Variants in CASZ1 observed in about 807,000 individuals in gnomAD.
CASZ1 encodes castor zinc finger 1, also known as zinc finger protein castor homolog 1.
In CASZ1, 28 loss-of-function variants were observed where a neutral mutation model predicts 135.2. That is an observed-to-expected ratio of 0.21 (90% CI 0.15 to 0.28). The LOEUF (loss-of-function observed/expected upper bound fraction) is 0.28. Among genes scored for constraint, CASZ1 ranks in the 10% least tolerant of loss-of-function variants. CASZ1 has a pLI of 1.00. For synonymous variants in CASZ1, 1,068 were observed against 1,073.4 expected, an observed-to-expected ratio of 0.99 and a Z score of 0.10; for missense variants, 2,161 against 2,453.3, an observed-to-expected ratio of 0.88 and a Z score of 2.52.
intron 3 of CASZ1, among the ~76,000 whole-genome samples, chr1:10,702,935 T>G (rs1639093699): frequency 6.8e-6 from 1 of 148,100 alleles, no homozygotes; most frequent in African/African-American, 2.5e-5. Flanking sequence ...GCCTTCCGAG[T>G]AGATGAAAAG....
In CASZ1 at chr1:10,660,129, G is replaced by C; in HGVS notation, c.913C>G (p.Leu305Val). ...TCGTACTTGGAGGCCCGGGCTACCAGGTTCTGCATCTGGACACTGCTGTGC... is the reference window on the plus strand; with the variant it reads ...TCGTACTTGGAGGCCCGGGCTACCACGTTCTGCATCTGGACACTGCTGTGC... ...PSHSSVQMQN[L>V]VARASKYDFF... is the part of the protein sequence containing the mutation. Residue 305 changes from leucine to valine, a missense_variant, in exon 6 of 21, where the codon CTG (leucine) becomes GTG (valine). Coordinates refer to ENST00000377022, the MANE Select transcript of CASZ1 (RefSeq NM_001079843.3). The C allele has an allele frequency of 1.9e-6, 3 of 1,614,156 alleles. No individual in the cohort carries two copies. Among genetic ancestry groups the C allele is most frequent in the Non-Finnish European group, 2.5e-6 (3 of 1,180,014 alleles).
chr1:10,683,654 T>C (rs938767359), intron 4 of CASZ1, among the ~76,000 whole-genome samples: 13 of 152,124 alleles, frequency 8.5e-5, no homozygotes, highest in African/African-American at 2.7e-4. Context: ...CGTCCAGTCC[T>C]TTCACTTCCA....
In CASZ1 at chr1:10,639,491, G is replaced by A; in HGVS notation, c.4731C>T (p.Gly1577=). The change falls in exon 21 of 21, where the codon GGC becomes GGT. Residue 1577 remains glycine (G), a synonymous_variant. Transcript: ENST00000377022. This position sits in a 1 kb window ranked among gnomAD's most constrained non-coding sequence, Gnocchi z 4.0. ...ACATGCCCACCACCGTGTGGCGGCA[G>A]CCCGGGAAGGTGCAGTGGAAGTGCG... ...KCSHFHCTFP[G]CRHTVVGMSQ... 1 of 1,610,864 alleles carries A rather than the reference G, an allele frequency of 6.2e-7. No individual in the cohort carries two copies. Among genetic ancestry groups the A allele is most frequent in the African/African-American group, 1.3e-5 (1 of 75,038 alleles).
At position 10,644,929 on chromosome 1, in the gene CASZ1, A is replaced by G. The variant is rs1193855161; in HGVS notation, c.3856T>C (p.Cys1286Arg). 1.2e-6 allele frequency: 2 copies of G among 1,612,742 alleles called. No homozygotes were observed. Among genetic ancestry groups the G allele is most frequent in the African/African-American group, 2.7e-5 (2 of 74,788 alleles). ...GFKYFTKREE[C>R]GRLGCKYNQV... Reference sequence around the variant, plus strand: ...CAGCCCTCGGTACCTAGCCTGCCACACTCCTCGCGCTTGGTGAAGTATTTG... The same window carrying G: ...CAGCCCTCGGTACCTAGCCTGCCACGCTCCTCGCGCTTGGTGAAGTATTTG... Residue 1286 changes from cysteine to arginine, a missense_variant, in exon 18 of 21, where the codon TGT (cysteine) becomes CGT (arginine). By Grantham distance (180) the Cys-to-Arg change is radical (BLOSUM62 -3). Coordinates refer to ENST00000377022, the MANE Select transcript of CASZ1 (RefSeq NM_001079843.3).
At chr1:10,758,786 G>C (rs1355632188) in intron 2 of CASZ1, among the ~76,000 whole-genome samples, 3 of 152,208 alleles carry the variant, frequency 2.0e-5, no homozygotes, top group African/African-American at 7.2e-5. Flanking sequence ...ACAGCTCTGA[G>C]ACCATGGGTC....
intron 2 of CASZ1, among the ~76,000 whole-genome samples, chr1:10,732,769 G>T (rs1639725152): frequency 6.6e-6 from 1 of 152,196 alleles, no homozygotes; most frequent in Non-Finnish European, 1.5e-5. Context: ...GGGGACGTGG[G>T]ATCCAGGTGA....
Position 10,725,129 on chromosome 1 carries a change from G to A in CASZ1, c.-76-19585C>T, listed in dbSNP as rs188798800. ...CTTGGGCTCCCCTCGGTGGGGGTAG[G>A]ATTCCCTAGTTGGCCAGGGAGCCCT... On this transcript the variant is annotated intron_variant, in intron 2 of 20. Transcript: ENST00000377022. The surrounding 1 kb of genome is among the most constrained non-coding windows in gnomAD (Gnocchi z 4.4). 2.8e-4 allele frequency among the ~76,000 whole-genome samples: 43 copies of A among 152,260 alleles called. No homozygotes were observed. Among genetic ancestry groups the A allele is most frequent in the Middle Eastern group, 3.4e-3 (1 of 292 alleles).
At chr1:10,688,620 C>G (rs1355709969) in intron 4 of CASZ1, among the ~76,000 whole-genome samples, 1 of 152,188 alleles carries the variant, frequency 6.6e-6, no homozygotes, top group Non-Finnish European at 1.5e-5. Flanking sequence ...ACACAGGGGC[C>G]CGGGCAGTCC....
In CASZ1 at chr1:10,747,773, A is replaced by C. The variant is rs405749; in HGVS notation, c.-77+12928T>G. ...CCTAGCTCCCCCTCCAGAATGAGCA[A>C]TCACTGGGAGAGGGTACACAGTACA... On this transcript the variant is annotated intron_variant, in intron 2 of 20. Coordinates refer to ENST00000377022, the MANE Select transcript of CASZ1 (RefSeq NM_001079843.3). This position sits in a 1 kb window ranked among gnomAD's most constrained non-coding sequence, Gnocchi z 4.3. Among the ~76,000 whole-genome samples, 45,685 of 151,078 alleles carry C rather than the reference A, an allele frequency of 0.3. 7,209 individuals carry two copies. Among genetic ancestry groups the C allele is most frequent in the African/African-American group, 0.39 (16,159 of 41,040 alleles).
In CASZ1 at chr1:10,660,194, G is replaced by A. The variant is rs201288126; in HGVS notation, c.848C>T (p.Ala283Val). The A allele has an allele frequency of 5.6e-6, 9 of 1,613,418 alleles. No individual in the cohort carries two copies. The Admixed American group carries it at 8.3e-5, about 15-fold the overall frequency. ...GATGGTGGCCTTGGTCTCCAGGTGG[G>A]CCGTGCTGCTGGGCAGCCGCAGGCC... ...LPGLRLPSST[A>V]HLETKATILP... Residue 283 changes from alanine (A) to valine (V), a missense_variant, in exon 6 of 21, where the codon GCC becomes GTC. This residue lies in a region of CASZ1 where 590 missense variants were observed against 609.8 expected (regional missense o/e 0.97). Transcript: ENST00000377022.
intron 4 of CASZ1, among the ~76,000 whole-genome samples, chr1:10,672,292 T>A (rs981679689): frequency 2.3e-5 from 3 of 130,794 alleles, no homozygotes; most frequent in Non-Finnish European, 4.7e-5. Context: ...GCCTCCAACA[T>A]GCCCCGCGCC....
At chr1:10,746,205 G>A (rs554198562) in intron 2 of CASZ1, among the ~76,000 whole-genome samples, 1 of 152,352 alleles carries the variant, frequency 6.6e-6, no homozygotes, top group Admixed American at 6.5e-5. Flanking sequence ...TGACAAGGAG[G>A]CAGGATTTGG....
chr1:10,718,355 A>G (rs542536087), intron 2 of CASZ1, among the ~76,000 whole-genome samples: 1 of 152,338 alleles, frequency 6.6e-6, no homozygotes, highest in East Asian at 1.9e-4. Flanking sequence ...GAGGAATCAA[A>G]TTTATTATTT....
chr1:10,779,539 T>C (rs1463451361), intron 1 of CASZ1, among the ~76,000 whole-genome samples: 1 of 152,166 alleles, frequency 6.6e-6, no homozygotes, highest in East Asian at 1.9e-4. Context: ...TTGGCTTTGT[T>C]GGTTTTTAAT....
intron 13 of CASZ1, 65 bp from the exon 14 acceptor site, chr1:10,649,502 G>A: frequency 5.3e-6 from 8 of 1,521,212 alleles, no homozygotes; most frequent in Non-Finnish European, 7.1e-6. Context: ...GCAGCCTGGG[G>A]AGCAACAGCC....
rs1639059032 is a variant in CASZ1, at chr1:10,701,477, G to T, written c.-24+4015C>A. Among the ~76,000 whole-genome samples the T allele has an allele frequency of 6.6e-6, 1 of 152,192 alleles. No individual in the cohort carries two copies. Among genetic ancestry groups the T allele is most frequent in the Admixed American group, 6.5e-5 (1 of 15,284 alleles). Reference sequence around the variant, plus strand: ...CTTGGGAGAGGATGGGAAGGACTTAGGTCCAGCCCCCTCTCGCCAAAGCTC... The same window carrying T: ...CTTGGGAGAGGATGGGAAGGACTTATGTCCAGCCCCCTCTCGCCAAAGCTC... On this transcript the variant is annotated intron_variant, in intron 3 of 20. Coordinates refer to ENST00000377022, the MANE Select transcript of CASZ1 (RefSeq NM_001079843.3). The surrounding 1 kb of genome is among the most constrained non-coding windows in gnomAD (Gnocchi z 6.3).
At chr1:10,690,493 T>A (rs896640847) in intron 4 of CASZ1, among the ~76,000 whole-genome samples, 2 of 152,216 alleles carry the variant, frequency 1.3e-5, no homozygotes, top group African/African-American at 4.8e-5. Context: ...GATCCCACGC[T>A]TCCTGGCCTC....
At chr1:10,703,490 G>T (rs1639106470) in intron 3 of CASZ1, among the ~76,000 whole-genome samples, 1 of 152,114 alleles carries the variant, frequency 6.6e-6, no homozygotes, top group Admixed American at 6.5e-5. Context: ...GCTCCTCCTT[G>T]CCACAAGCCT....
rs1334624653 is a variant in CASZ1 at position 10,654,414 on chromosome 1, C to A, written c.1838+5G>T. The A allele has an allele frequency of 6.2e-7, 1 of 1,612,774 alleles. No homozygotes were observed. The highest frequency in any genetic ancestry group is 1.7e-5 in the Admixed American group (1 of 59,912). On this transcript the variant is annotated splice_donor_5th_base_variant and intron_variant, in intron 10 of 20. Coordinates refer to ENST00000377022, the MANE Select transcript of CASZ1 (RefSeq NM_001079843.3). ...CACGAAGGCCCCCACCAGGCTCCCG[C>A]TTACCTGCAGTGGAAGTGCGTGGTC...
Sources: allele counts gnomAD v4.1 joint callset (sites outside exome capture counted in the v4.1 genomes callset), GRCh38; gene constraint gnomAD v4.1.1; regional missense constraint gnomAD v4.1.1; non-coding constraint Gnocchi (gnomAD v3.1); transcripts MANE v1.5; gene names NCBI Gene and HGNC (gene_info 2026-07-23, HGNC 2026-07-21).